Variants in SENP7 observed in about 807,000 individuals in gnomAD.
SENP7 encodes SUMO specific peptidase 7.
A neutral mutation model predicts 141.2 loss-of-function variants in SENP7; 64 were observed. The ratio of observed to expected loss-of-function variants is 0.45; its 90% CI spans 0.37 to 0.56. The LOEUF (loss-of-function observed/expected upper bound fraction) is 0.56, where lower values mean the gene tolerates loss of function less well. Among genes scored for constraint, SENP7 ranks in the 20% least tolerant of loss-of-function variants. The pLI is 0.00. For synonymous variants in SENP7, 382 were observed against 426.4 expected, an observed-to-expected ratio of 0.90 and a Z score of 1.28; for missense variants, 1,025 against 1,212.2, an observed-to-expected ratio of 0.85 and a Z score of 2.29.
At chr3:101,490,604 G>A (rs1316177633) in intron 3 of SENP7, among the ~76,000 whole-genome samples, 1 of 151,942 alleles carries the variant, frequency 6.6e-6, no homozygotes, top group Non-Finnish European at 1.5e-5. Context: ...TGAAAACAAG[G>A]AAAATTTCTG....
chr3:101,454,563 C>T (rs1428632550), intron 4 of SENP7, among the ~76,000 whole-genome samples: 3 of 152,028 alleles, frequency 2.0e-5, no homozygotes, highest in Non-Finnish European at 4.4e-5. Context: ...CAAACACTTG[C>T]AAACACTTGT....
At chr3:101,327,613 G>A (rs2107180420) in intron 23 of SENP7, 53 bp downstream of exon 23, 3 of 1,411,768 alleles carry the variant, frequency 2.1e-6, no homozygotes, top group Non-Finnish European at 2.9e-6. Context: ...CCAGTAACTT[G>A]TGACCGTATG....
intron 3 of SENP7, among the ~76,000 whole-genome samples, chr3:101,480,109 T>A (rs1247744994): frequency 6.6e-6 from 1 of 151,974 alleles, no homozygotes; most frequent in Non-Finnish European, 1.5e-5. Context: ...TATGCAGCAA[T>A]CTACAGATTC....
chr3:101,357,633 GT>G, intron 11 of SENP7: 1 of 817,984 alleles, frequency 1.2e-6, no homozygotes. Flanking sequence ...CACAAAAGCG[GT>G]TATAATGGAC....
chr3:101,379,946 G>A (rs950688267), intron 6 of SENP7, among the ~76,000 whole-genome samples: 15 of 152,088 alleles, frequency 9.9e-5, no homozygotes, highest in African/African-American at 3.4e-4. Flanking sequence ...CAGATGAATA[G>A]AACAAAATTT....
intron 17 of SENP7, among the ~76,000 whole-genome samples, chr3:101,335,832 T>C (rs1394039878): frequency 2.0e-5 from 3 of 152,196 alleles, no homozygotes; most frequent in Non-Finnish European, 2.9e-5. Context: ...CCCCCTTCCA[T>C]ATATCCCTCT....
At chr3:101,343,389 A>AT (rs1559693149) in intron 14 of SENP7, among the ~76,000 whole-genome samples, 2 of 151,754 alleles carry the variant, frequency 1.3e-5, no homozygotes, top group African/African-American at 4.8e-5. Context: ...TATTAATTGG[A>AT]TTTTTTTCTA....
At chr3:101,463,364 A>AATAAATATAT (rs1553744606) in intron 3 of SENP7, among the ~76,000 whole-genome samples, 20 of 89,190 alleles carry the variant, frequency 2.2e-4, no homozygotes, top group South Asian at 1.8e-3. Context: ...TAAATAAATA[A>AATAAATATAT]ATATATATAT....
intron 6 of SENP7, among the ~76,000 whole-genome samples, chr3:101,391,300 TTGTTTTTTAA>T (rs1203294452): frequency 1.3e-5 from 2 of 150,682 alleles, no homozygotes; most frequent in Non-Finnish European, 3.0e-5. Flanking sequence ...ATAATAAAAA[TTGTTTTTTAA>T]AGACAAACAA....
At chr3:101,453,457 G>T (rs2107843151) in intron 4 of SENP7, among the ~76,000 whole-genome samples, 1 of 152,244 alleles carries the variant, frequency 6.6e-6, no homozygotes, top group African/African-American at 2.4e-5. Context: ...CAAAGACTTG[G>T]AACCAACCCA....
Position 101,474,503 on chromosome 3 carries a change from T to A in SENP7, c.187-15451A>T, listed in dbSNP as rs548033543. On this transcript the variant is annotated intron_variant, in intron 3 of 23. Coordinates refer to ENST00000394095, the MANE Select transcript of SENP7 (RefSeq NM_020654.5). ...TTTGATTGTTGTTGGTATATAGGAG[T>A]GCTAGTGATTTTTGGACACTGATTT... Among the ~76,000 whole-genome samples, 9 of 152,186 alleles carry A rather than the reference T, an allele frequency of 5.9e-5. No individual in the cohort carries two copies. In the South Asian group the frequency reaches 1.2e-3, roughly 21 times the overall value.
At chr3:101,328,797 ATAGT>A (rs1367048300) in intron 20 of SENP7, 108 bp from the exon 21 acceptor site, 4 of 792,546 alleles carry the variant, frequency 5.0e-6, no homozygotes, top group Non-Finnish European at 8.2e-6. Flanking sequence ...ATTTCAAGTA[ATAGT>A]TATCTTCATC....
chr3:101,440,832 G>C (rs2062640706), intron 4 of SENP7, among the ~76,000 whole-genome samples: 1 of 152,060 alleles, frequency 6.6e-6, no homozygotes, highest in South Asian at 2.1e-4. Flanking sequence ...ATTTATCCCA[G>C]GAATGCAGTT....
Position 101,366,587 on chromosome 3 carries a change from G to A in SENP7, c.1161C>T (p.Ala387=), listed in dbSNP as rs200999961. 146 of 1,613,870 alleles carry A rather than the reference G, an allele frequency of 9.0e-5. 2 individuals are homozygous for A. In the Admixed American group the frequency reaches 2.0e-3, roughly 22 times the overall value. ...TLSNATKSAS[A]GSTTETVENS... ...TCTCAACGGTTTCAGTGGTTGAACC[G>A]GCAGAGGCACTTTTGGTGGCATTAC... The change falls in exon 9 of 24, where the codon GCC becomes GCT. Residue 387 remains alanine (A), a synonymous_variant. Transcript: ENST00000394095.
intron 3 of SENP7, among the ~76,000 whole-genome samples, chr3:101,488,055 G>C (rs551026994): frequency 1.3e-5 from 2 of 152,190 alleles, no homozygotes; most frequent in African/African-American, 4.8e-5. Flanking sequence ...TGGGCAGTAT[G>C]GTCATTTTTG....
intron 4 of SENP7, among the ~76,000 whole-genome samples, 158 bp downstream of exon 4, chr3:101,458,797 C>A (rs906273220): frequency 6.6e-6 from 1 of 152,162 alleles, no homozygotes; most frequent in African/African-American, 2.4e-5. Flanking sequence ...CTTAAAATCA[C>A]AGAAAGTTAG....
rs533186016 is a variant in SENP7 at position 101,324,324 on chromosome 3, T to G, written c.*1619A>C. The G allele has an allele frequency of 2.8e-4, 42 of 152,186 alleles. No individual in the cohort carries two copies. The highest frequency in any genetic ancestry group is 8.2e-4 in the African/African-American group (34 of 41,562). 9.4% of individuals were successfully genotyped at this position (152,186 alleles called of 1,614,324 possible). On this transcript the variant is annotated 3_prime_UTR_variant, in exon 24 of 24. Coordinates refer to ENST00000394095, the MANE Select transcript of SENP7 (RefSeq NM_020654.5). ...ATAAAACACTGATATCCTCAAAACA[T>G]TACTTGCACATTAATTTAGGAAAAT...
At chr3:101,422,369 G>A (rs2107675994) in intron 4 of SENP7, among the ~76,000 whole-genome samples, 1 of 152,014 alleles carries the variant, frequency 6.6e-6, no homozygotes, top group African/African-American at 2.4e-5. Flanking sequence ...AGAACTTCTG[G>A]GGCAGTTTTC....
intron 6 of SENP7, among the ~76,000 whole-genome samples, chr3:101,384,322 G>A (rs1211385479): frequency 7.9e-5 from 12 of 152,248 alleles, no homozygotes; most frequent in Non-Finnish European, 4.4e-5. Context: ...TAAAAAGGGT[G>A]CTACACACTC....
Sources: gnomAD v4.1 joint callset for allele counts (sites outside exome capture counted in the v4.1 genomes callset) on GRCh38, gnomAD v4.1.1 for gene constraint, MANE v1.5 for transcripts, NCBI Gene and HGNC (gene_info 2026-07-23, HGNC 2026-07-21) for gene names.